Variants in PLEKHG1 observed in about 807,000 individuals in gnomAD.
The protein encoded by PLEKHG1 is pleckstrin homology and RhoGEF domain containing G1.
PLEKHG1 carries 44 observed loss-of-function variants against 100.8 expected under a neutral mutation model. The ratio of observed to expected loss-of-function variants is 0.44; its 90% CI spans 0.34 to 0.56. The LOEUF is 0.56. Among genes scored for constraint, PLEKHG1 ranks in the 20% least tolerant of loss-of-function variants. PLEKHG1 has a pLI of 0.01. For synonymous variants in PLEKHG1, 640 were observed against 662.5 expected (o/e 0.97, Z 0.52); for missense variants, 1,545 against 1,720.9 (o/e 0.90, Z 1.81).
chr6:150,684,064 C>T (rs753706281), intron 3 of PLEKHG1, among the ~76,000 whole-genome samples: 4 of 152,170 alleles, frequency 2.6e-5, no homozygotes, highest in Non-Finnish European at 5.9e-5. Flanking sequence ...TGGGTACATA[C>T]GCTATGCTGG....
chr6:150,688,674 TA>T (rs1780233355), intron 3 of PLEKHG1, among the ~76,000 whole-genome samples: 1 of 152,166 alleles, frequency 6.6e-6, no homozygotes, highest in African/African-American at 2.4e-5. Flanking sequence ...ACTCTCCTGA[TA>T]AATTTGACAA....
chr6:150,784,697 AG>A (rs1785507604), intron 3 of PLEKHG1, among the ~76,000 whole-genome samples: 1 of 152,214 alleles, frequency 6.6e-6, no homozygotes. Flanking sequence ...ATTTGAACAC[AG>A]TGAGACAAGA....
chr6:150,601,007 C>T (rs1215277611), intron 1 of PLEKHG1: 1 of 152,230 alleles, frequency 6.6e-6, no homozygotes, highest in Non-Finnish European at 1.5e-5. Context: ...GGTATCACCC[C>T]GCGAGGACCA....
intron 3 of PLEKHG1, among the ~76,000 whole-genome samples, chr6:150,774,531 A>AT (rs61521577): frequency 0.013 from 1,092 of 87,050 alleles, 102 homozygotes; most frequent in African/African-American, 0.025. Context: ...ATTAGTTTGA[A>AT]TTTTTTTTTT....
chr6:150,746,821 A>G (rs963928276), intron 2 of PLEKHG1, among the ~76,000 whole-genome samples: 2 of 152,230 alleles, frequency 1.3e-5, no homozygotes, highest in Admixed American at 1.3e-4. Context: ...GAGGACAGAC[A>G]GTGTAATGGG....
chr6:150,682,644 G>A (rs978401092), intron 3 of PLEKHG1, among the ~76,000 whole-genome samples: 30 of 152,180 alleles, frequency 2.0e-4, no homozygotes, highest in Admixed American at 4.6e-4. Flanking sequence ...ACTCAGAATC[G>A]GAAACTTCCT....
intron 3 of PLEKHG1, among the ~76,000 whole-genome samples, chr6:150,782,531 A>C (rs542468221): frequency 1.6e-4 from 25 of 152,228 alleles, no homozygotes; most frequent in Non-Finnish European, 3.1e-4. Context: ...AAAGATATCC[A>C]TACTTATTGG....
intron 3 of PLEKHG1, among the ~76,000 whole-genome samples, chr6:150,698,978 A>C (rs1486096321): frequency 6.6e-6 from 1 of 152,214 alleles, no homozygotes; most frequent in Non-Finnish European, 1.5e-5. Context: ...CATATTTCAA[A>C]GTAACATTAA....
intron 3 of PLEKHG1, among the ~76,000 whole-genome samples, chr6:150,674,082 C>A (rs1038266611): frequency 1.3e-5 from 2 of 152,130 alleles, no homozygotes; most frequent in African/African-American, 4.8e-5. Context: ...AAAAAAGAAT[C>A]TTTGAATGTG....
chr6:150,677,331 C>G (rs1024951413), intron 3 of PLEKHG1, among the ~76,000 whole-genome samples: 5 of 151,936 alleles, frequency 3.3e-5, no homozygotes, highest in African/African-American at 1.2e-4. Flanking sequence ...CCACCAGTTT[C>G]TACCCTACTG....
At position 150,806,332 on chromosome 6, in the gene PLEKHG1, CT is replaced by C. The variant is rs1227744749; in HGVS notation, c.912+1592del. ...AATCTATTGAATACAGTCATCCCCC[CT>C]ATCCGCAGTTTCACTTTCTGCAGTT... On this transcript the variant is annotated intron_variant, in intron 7 of 15. Transcript: ENST00000358517. 9.2e-5 allele frequency among the ~76,000 whole-genome samples: 14 copies of C among 151,506 alleles called. 1 individual carries two copies. The South Asian group carries it at 1.0e-3, about 11-fold the overall frequency.
At chr6:150,701,325 A>G (rs1490288684) in intron 3 of PLEKHG1, among the ~76,000 whole-genome samples, 1 of 148,184 alleles carries the variant, frequency 6.7e-6, no homozygotes, top group Non-Finnish European at 1.5e-5. Context: ...ATCTCAAAAA[A>G]AAAAAAAAAT....
At chr6:150,702,993 T>C (rs1208841402) in intron 3 of PLEKHG1, among the ~76,000 whole-genome samples, 25 of 152,158 alleles carry the variant, frequency 1.6e-4, no homozygotes. Flanking sequence ...CTCATTTTAT[T>C]CCTACAAAAC....
intron 3 of PLEKHG1, among the ~76,000 whole-genome samples, chr6:150,703,658 T>TA (rs938906740): frequency 2.7e-4 from 41 of 150,632 alleles, no homozygotes; most frequent in Non-Finnish European, 4.4e-4. Context: ...CCTACAGTAT[T>TA]AAAAAAAATC....
rs143555002 is a variant in PLEKHG1, at chr6:150,805,715, C to T, written c.912+974C>T. Among the ~76,000 whole-genome samples the T allele has an allele frequency of 8.9e-3, 1,354 of 152,102 alleles. 9 individuals carry two copies. The highest frequency in any genetic ancestry group is 0.034 in the Middle Eastern group (10 of 294). ...GCTCATTTTGTATTTTTAGTAGAGA[C>T]GGGGTTTCACCAGGTTGGCCAGGCT... On this transcript the variant is annotated intron_variant, in intron 7 of 15. Coordinates refer to ENST00000358517, the Ensembl canonical transcript of PLEKHG1.
chr6:150,749,451 A>G (rs1453859445), intron 2 of PLEKHG1, among the ~76,000 whole-genome samples: 1 of 152,154 alleles, frequency 6.6e-6, no homozygotes, highest in Non-Finnish European at 1.5e-5. Flanking sequence ...TTCCTTGGTA[A>G]TGTTTTGAGA....
At chr6:150,609,919 TTC>T (rs2099274791) in intron 1 of PLEKHG1, among the ~76,000 whole-genome samples, 1 of 152,066 alleles carries the variant, frequency 6.6e-6, no homozygotes, top group Admixed American at 6.5e-5. Context: ...CGGTCGCCGT[TTC>T]CCACGTCCAG....
intron 3 of PLEKHG1, among the ~76,000 whole-genome samples, chr6:150,700,239 T>C (rs989822489): frequency 2.0e-5 from 3 of 152,202 alleles, no homozygotes; most frequent in Non-Finnish European, 4.4e-5. Context: ...ACCATTGATC[T>C]GGAAGATGCA....
At chr6:150,707,681 A>T (rs763720478) in intron 3 of PLEKHG1, among the ~76,000 whole-genome samples, 19 of 151,996 alleles carry the variant, frequency 1.3e-4, no homozygotes, top group Non-Finnish European at 2.1e-4. Flanking sequence ...TTTTTAATGC[A>T]GAGTATCCTG....
Sources: gnomAD v4.1 joint callset for allele counts (sites outside exome capture counted in the v4.1 genomes callset) on GRCh38, gnomAD v4.1.1 for gene constraint, MANE v1.5 for transcripts, NCBI Gene and HGNC (gene_info 2026-07-23, HGNC 2026-07-21) for gene names.